The following TTC33 variants were observed in gnomAD, a reference collection of about 807,000 sequenced individuals.
The protein encoded by TTC33 is tetratricopeptide repeat protein 33.
In TTC33, 24 loss-of-function variants were observed where a neutral mutation model predicts 29.4. The observed-to-expected ratio is 0.82, with a 90% CI of 0.59 to 1.15. The LOEUF is 1.15. TTC33 is among the 50% of genes most tolerant of loss of function. The pLI is 0.00. For synonymous variants in TTC33, 107 were observed against 100.3 expected, an observed-to-expected ratio of 1.07 and a Z score of -0.40; for missense variants, 286 against 310.4, an observed-to-expected ratio of 0.92 and a Z score of 0.59.
intron 4 of TTC33, among the ~76,000 whole-genome samples, chr5:40,725,520 A>G (rs1742260102): frequency 6.6e-6 from 1 of 152,220 alleles, no homozygotes; most frequent in Non-Finnish European, 1.5e-5. Flanking sequence ...GCACATTGGC[A>G]TGAAGAAAAG....
At position 40,715,743 on chromosome 5, in the gene TTC33, T is replaced by C. The variant is rs1415525273; in HGVS notation, c.*402A>G. The C allele has an allele frequency of 1.3e-5, 2 of 158,836 alleles. No homozygotes were observed. Among genetic ancestry groups the C allele is most frequent in the African/African-American group, 4.8e-5 (2 of 41,698 alleles). 9.8% of individuals were successfully genotyped at this position (158,836 alleles called of 1,614,324 possible). A position where few individuals can be genotyped will look rare whatever the true frequency, so the allele number is the denominator to read the frequency against. On this transcript the variant is annotated 3_prime_UTR_variant, in exon 5 of 5. Coordinates refer to ENST00000337702, the MANE Select transcript of TTC33 (RefSeq NM_012382.3). ...AAAAGACAGCAAATATTAAGCGCAG[T>C]ATATTTCTCAGAGGGAGGGAAATCA... is the stretch of plus-strand genomic sequence containing the variant.
intron 3 of TTC33, among the ~76,000 whole-genome samples, chr5:40,729,669 C>G (rs1742377295): frequency 6.6e-6 from 1 of 152,006 alleles, no homozygotes; most frequent in Non-Finnish European, 1.5e-5. Flanking sequence ...CATCTAAGAG[C>G]TCAACAGTGA....
At chr5:40,735,415 T>C (rs1331177988) in intron 2 of TTC33, among the ~76,000 whole-genome samples, 1 of 151,954 alleles carries the variant, frequency 6.6e-6, no homozygotes, top group Non-Finnish European at 1.5e-5. Context: ...ACACTGAAAA[T>C]GTACAGTTGG....
At chr5:40,738,514 CAATAA>C (rs754304246) in intron 2 of TTC33, among the ~76,000 whole-genome samples, 5,205 of 77,982 alleles carry the variant, frequency 0.067, 276 homozygotes, top group Admixed American at 0.078. Context: ...CAATAAAATA[CAATAA>C]AATAAAATAC....
intron 2 of TTC33, among the ~76,000 whole-genome samples, chr5:40,737,223 G>C (rs1446765252): frequency 6.6e-6 from 1 of 151,740 alleles, no homozygotes; most frequent in African/African-American, 2.4e-5. Context: ...CTTGAACCTG[G>C]AAAGTGGAGA....
rs944100791 is a variant in TTC33, at chr5:40,730,409, A to T, written c.222-66T>A. 46 of 1,305,846 alleles carry T rather than the reference A, an allele frequency of 3.5e-5. 1 individual carries two copies. Among genetic ancestry groups the T allele is most frequent in the Admixed American group, 3.0e-4 (17 of 56,264 alleles). The allele number at this position is 1,305,846 out of a possible 1,614,324, so 80.9% of individuals were successfully genotyped here. A position where few individuals can be genotyped will look rare whatever the true frequency, so the allele number is the denominator to read the frequency against. On this transcript the variant is annotated intron_variant, in intron 2 of 4. Transcript: ENST00000337702. The stretch of plus-strand genomic sequence containing the variant: ...TGCTTTTTTGGACTTTCAAAAAAAA[A>T]TTTTTATTGTAGTAAAATATAAAAT...
intron 1 of TTC33, among the ~76,000 whole-genome samples, chr5:40,752,859 C>T (rs142107241): frequency 3.1e-4 from 47 of 152,150 alleles, no homozygotes; most frequent in East Asian, 9.6e-4. Flanking sequence ...TGTGCAAAAA[C>T]GCAGTATCTA....
At chr5:40,724,942 T>A (rs1203605542) in intron 4 of TTC33, among the ~76,000 whole-genome samples, 2 of 150,306 alleles carry the variant, frequency 1.3e-5, no homozygotes, top group Non-Finnish European at 3.0e-5. Context: ...AACCTCCACC[T>A]GCCAGGTTCA....
chr5:40,729,481 A>G (rs1479985646), intron 3 of TTC33, among the ~76,000 whole-genome samples: 2 of 152,234 alleles, frequency 1.3e-5, no homozygotes, highest in African/African-American at 4.8e-5. Context: ...ACATGTTTTT[A>G]AAGTACAAAT....
At chr5:40,722,319 G>A (rs1050075935) in intron 4 of TTC33, among the ~76,000 whole-genome samples, 8 of 152,152 alleles carry the variant, frequency 5.3e-5, no homozygotes, top group South Asian at 2.1e-4. Flanking sequence ...TCCTCTGCCC[G>A]GCCGCCACCC....
At chr5:40,754,785 AG>A (rs1185111726) in intron 1 of TTC33, among the ~76,000 whole-genome samples, 23 of 152,246 alleles carry the variant, frequency 1.5e-4, no homozygotes, top group African/African-American at 5.5e-4. Context: ...AGGCTTAAAA[AG>A]GTATGTGAAT....
At chr5:40,722,384 G>C (rs555471672) in intron 4 of TTC33, among the ~76,000 whole-genome samples, 1 of 152,018 alleles carries the variant, frequency 6.6e-6, no homozygotes, top group Admixed American at 6.5e-5. Flanking sequence ...GGGATGTGAG[G>C]AGCCCCTCTG....
chr5:40,728,346 A>G lies in TTC33; in HGVS notation c.434T>C (p.Leu145Pro), dbSNP rs749630312. The G allele has an allele frequency of 2.5e-5, 40 of 1,585,446 alleles. No individual in the cohort carries two copies. Among genetic ancestry groups the G allele is most frequent in the Non-Finnish European group, 3.0e-5 (35 of 1,170,100 alleles). ...RAQLGLGEII[L>P]AIRSFQVALH... is the part of the protein sequence containing the mutation. Reference sequence around the variant, plus strand: ...ATTATAATAATCTGACTTCCTCACCAGGATTATCTCTCCTAAACCAAGTTG... The same window carrying G: ...ATTATAATAATCTGACTTCCTCACCGGGATTATCTCTCCTAAACCAAGTTG... Residue 145 changes from leucine to proline, a missense_variant and splice_region_variant, in exon 4 of 5, where the codon CTG (leucine) becomes CCG (proline). Physicochemically the swap from Leu to Pro is moderately conservative, Grantham distance 98 (BLOSUM62 -3). Coordinates refer to ENST00000337702, the MANE Select transcript of TTC33 (RefSeq NM_012382.3).
At chr5:40,743,320 T>G (rs1478167837) in intron 2 of TTC33, among the ~76,000 whole-genome samples, 2 of 152,140 alleles carry the variant, frequency 1.3e-5, no homozygotes, top group East Asian at 3.8e-4. Context: ...GTATAATAAC[T>G]ATGTTCAAAA....
At chr5:40,751,023 T>A (rs1432791211) in intron 1 of TTC33, among the ~76,000 whole-genome samples, 1 of 152,184 alleles carries the variant, frequency 6.6e-6, no homozygotes, top group African/African-American at 2.4e-5. Flanking sequence ...TCTTCCAAAT[T>A]CCTGTTAATG....
At position 40,716,167 on chromosome 5, in the gene TTC33, G is replaced by A. The variant is rs1741992453; in HGVS notation, c.767C>T (p.Ser256Phe). The A allele has an allele frequency of 1.2e-6, 2 of 1,607,732 alleles. No individual in the cohort carries two copies. Among genetic ancestry groups the A allele is most frequent in the Non-Finnish European group, 8.5e-7 (1 of 1,175,722 alleles). ...GCTTCATCGGGCTTTGATAAAAACA[G>A]AGCCATCTGGTGGTGTAGCACCATC... The part of the protein sequence containing the change: ...KEDGATPPDG[S>F]VFIKAR The change falls in exon 5 of 5, where the codon TCT (serine) becomes TTT (phenylalanine). Residue 256 changes from serine to phenylalanine, a missense_variant. By Grantham distance (155) the Ser-to-Phe change is radical. Transcript: ENST00000337702.
At chr5:40,753,941 A>T (rs1314405158) in intron 1 of TTC33, among the ~76,000 whole-genome samples, 1 of 152,112 alleles carries the variant, frequency 6.6e-6, no homozygotes, top group African/African-American at 2.4e-5. Context: ...CGTTGATCAG[A>T]TCTGTAGATT....
In TTC33 at chr5:40,738,991, G is replaced by A. The variant is rs572628324; in HGVS notation, c.221+7807C>T. On this transcript the variant is annotated intron_variant, in intron 2 of 4. Transcript: ENST00000337702. Reference sequence around the variant, plus strand: ...GACTGGAAATATTTTCTCCCAGCCTGTGGCCTGACTTTTCATGTTCTCAAT... The same window carrying A: ...GACTGGAAATATTTTCTCCCAGCCTATGGCCTGACTTTTCATGTTCTCAAT... 3.3e-5 allele frequency among the ~76,000 whole-genome samples: 5 copies of A among 152,264 alleles called. No homozygotes were observed. The East Asian group carries it at 9.6e-4, about 29-fold the overall frequency.
intron 2 of TTC33, among the ~76,000 whole-genome samples, chr5:40,741,219 T>C (rs572106387): frequency 6.6e-6 from 1 of 152,338 alleles, no homozygotes; most frequent in African/African-American, 2.4e-5. Context: ...AAGTATCAGT[T>C]TGAACCCTTC....
Sources: gnomAD v4.1 joint callset for allele counts (sites outside exome capture counted in the v4.1 genomes callset) on GRCh38, gnomAD v4.1.1 for gene constraint, MANE v1.5 for transcripts, NCBI Gene and HGNC (gene_info 2026-07-23, HGNC 2026-07-21) for gene names.